The following TBL1X variants were observed in gnomAD, a reference collection of about 807,000 sequenced individuals.
TBL1X encodes transducin beta like 1 X-linked, also known as F-box-like/WD repeat-containing protein TBL1X.
TBL1X carries 10 observed loss-of-function variants against 50.7 expected under a neutral mutation model. The observed-to-expected ratio is 0.20, with a 90% CI of 0.12 to 0.33. The LOEUF (loss-of-function observed/expected upper bound fraction) is 0.33, where lower values mean the gene tolerates loss of function less well. Ranked by LOEUF, TBL1X falls within the 10% of genes least tolerant of loss-of-function variation. The probability of loss-of-function intolerance (pLI) is 1.00; values close to 1 mark genes in which losing one functional copy is unlikely to be tolerated. For missense variants in TBL1X, 340 were observed against 504.4 expected (o/e 0.67, Z 3.12); for synonymous variants, 190 against 214.7 (o/e 0.88, Z 1.01).
At chrX:9,662,946 G>C (rs962776543) in intron 5 of TBL1X, among the ~76,000 whole-genome samples, 11 of 111,751 alleles carry the variant, frequency 9.8e-5, no homozygotes, top group African/African-American at 2.9e-4. Flanking sequence ...AAAAGAGTGA[G>C]ACCCTGTCTC....
intron 2 of TBL1X, among the ~76,000 whole-genome samples, chrX:9,533,308 C>T (rs1015175712): frequency 1.7e-4 from 19 of 111,253 alleles, no homozygotes; most frequent in African/African-American, 5.9e-4. Flanking sequence ...CCGCACCCTT[C>T]GGCCTGCTTT....
chrX:9,699,173 G>A (rs2083153914), intron 12 of TBL1X, among the ~76,000 whole-genome samples: 1 of 111,198 alleles, frequency 9.0e-6, no homozygotes, highest in South Asian at 3.9e-4. Context: ...TAGAAACGGG[G>A]TTTCGCCATG....
intron 1 of TBL1X, among the ~76,000 whole-genome samples, chrX:9,491,322 ATATATATATATATATATTT>A (rs1307026856): frequency 2.6e-5 from 1 of 37,883 alleles, no homozygotes; most frequent in African/African-American, 1.2e-4. Context: ...ATATATATAT[ATATATATATATATATATTT>A]TTTTTTTTTT....
At chrX:9,509,039 ATAAC>A (rs1424448506) in intron 2 of TBL1X, among the ~76,000 whole-genome samples, 2 of 108,853 alleles carry the variant, frequency 1.8e-5, no homozygotes, top group Non-Finnish European at 3.8e-5. Context: ...ATACACCTGT[ATAAC>A]TAACCTGCAC....
intron 13 of TBL1X, among the ~76,000 whole-genome samples, chrX:9,706,219 G>T (rs1345806496): frequency 1.8e-5 from 2 of 111,488 alleles, no homozygotes; most frequent in Non-Finnish European, 3.8e-5. Context: ...GGAGATTGCG[G>T]AAGTAAGGTT....
At chrX:9,533,624 AAG>A (rs1165283783) in intron 2 of TBL1X, among the ~76,000 whole-genome samples, 1 of 111,104 alleles carries the variant, frequency 9.0e-6, no homozygotes, top group African/African-American at 3.3e-5. Context: ...TTCCAAGGCA[AAG>A]AGGGACCTAT....
At chrX:9,488,458 T>C (rs911854575) in intron 1 of TBL1X, among the ~76,000 whole-genome samples, 11 of 111,742 alleles carry the variant, frequency 9.8e-5, no homozygotes, top group Non-Finnish European at 1.3e-4. Flanking sequence ...TAGGCATATC[T>C]CTCTGAGACC....
intron 2 of TBL1X, among the ~76,000 whole-genome samples, chrX:9,516,655 A>G (rs2082082128): frequency 8.9e-6 from 1 of 112,658 alleles, no homozygotes; most frequent in Non-Finnish European, 1.9e-5. Context: ...GCAATTGGGT[A>G]ACCAGTCTTT....
At chrX:9,690,710 G>A (rs757005) in intron 7 of TBL1X, among the ~76,000 whole-genome samples, 2 of 110,626 alleles carry the variant, frequency 1.8e-5, no homozygotes, top group African/African-American at 6.6e-5. Flanking sequence ...AGCAGCCAGG[G>A]ACTAGGTTTG....
chrX:9,576,716 AC>A (rs1250626449), intron 2 of TBL1X, among the ~76,000 whole-genome samples: 22 of 106,441 alleles, frequency 2.1e-4, no homozygotes, highest in African/African-American at 2.7e-4. Context: ...AAAAAAAAAA[AC>A]ATCGGACGTG....
intron 2 of TBL1X, among the ~76,000 whole-genome samples, chrX:9,606,398 T>TGGC (rs2082583574): frequency 1.8e-5 from 2 of 112,376 alleles, no homozygotes; most frequent in South Asian, 7.4e-4. Context: ...GCCACGTTCA[T>TGGC]GGCCTATCTT....
chrX:9,697,438 TTTG>T lies in TBL1X; in HGVS notation c.1114+27_1114+29del, dbSNP rs747238686. The T allele has an allele frequency of 1.9e-5, 23 of 1,206,210 alleles. No individual in the cohort carries two copies. The highest frequency in any genetic ancestry group is 1.4e-4 in the South Asian group (8 of 56,125). On this transcript the variant is annotated intron_variant, in intron 12 of 17. Coordinates refer to ENST00000645353, the MANE Select transcript of TBL1X (RefSeq NM_005647.4). ...GTTTCCTTTTCATTCAGGTGAGTTT[TTTG>T]TTGTTGTTGTTGTTGTTTGTTTTTT...
rs958598599 is a variant in TBL1X at position 9,510,932 on chromosome X, G to GTCCATCCA, written c.-131+9100_-131+9107dup. 1.5e-4 allele frequency among the ~76,000 whole-genome samples: 17 copies of GTCCATCCA among 111,292 alleles called. 1 individual carries two copies. In the South Asian group the frequency reaches 6.0e-3, roughly 39 times the overall value. ...TTCCTTAGAATCTGTCCATCTGTCC[G>GTCCATCCA]TCCATCCATCCATCCATCCATCCAC... On this transcript the variant is annotated intron_variant, in intron 2 of 17. Coordinates refer to ENST00000645353, the MANE Select transcript of TBL1X (RefSeq NM_005647.4).
upstream of TBL1X, among the ~76,000 whole-genome samples, chrX:9,464,845 G>A (rs1288778460): frequency 1.8e-5 from 2 of 110,766 alleles, no homozygotes; most frequent in Non-Finnish European, 3.8e-5. Flanking sequence ...CCGTGGGACA[G>A]GGGCTGGGTT....
intron 2 of TBL1X, among the ~76,000 whole-genome samples, chrX:9,533,525 C>G (rs1294184171): frequency 9.0e-6 from 1 of 111,602 alleles, no homozygotes; most frequent in Non-Finnish European, 1.9e-5. Context: ...AGTGAAAACC[C>G]TCCATGAAAG....
intron 5 of TBL1X, among the ~76,000 whole-genome samples, chrX:9,682,734 G>A (rs776988843): frequency 3.6e-5 from 4 of 112,253 alleles, no homozygotes; most frequent in African/African-American, 1.3e-4. Flanking sequence ...GAAAGGCGGC[G>A]GAAGAGGAGC....
intron 2 of TBL1X, among the ~76,000 whole-genome samples, chrX:9,614,178 A>G (rs2082628393): frequency 9.0e-6 from 1 of 110,702 alleles, no homozygotes; most frequent in Admixed American, 9.6e-5. Flanking sequence ...CATTCCAAAC[A>G]CTCAAGTGAG....
intron 12 of TBL1X, among the ~76,000 whole-genome samples, chrX:9,701,847 C>T (rs1253517813): frequency 1.8e-5 from 2 of 111,352 alleles, no homozygotes; most frequent in Non-Finnish European, 3.8e-5. Flanking sequence ...TAAACGAGAA[C>T]GAAGAAAATG....
At chrX:9,568,295 A>G (rs184397120) in intron 2 of TBL1X, among the ~76,000 whole-genome samples, 63 of 105,894 alleles carry the variant, frequency 5.9e-4, no homozygotes, top group African/African-American at 2.1e-3. Context: ...GTCTGTCTGT[A>G]CTGTGTGTGT....
Sources: gnomAD v4.1 joint callset for allele counts (sites outside exome capture counted in the v4.1 genomes callset) on GRCh38, gnomAD v4.1.1 for gene constraint, MANE v1.5 for transcripts, NCBI Gene and HGNC (gene_info 2026-07-23, HGNC 2026-07-21) for gene names.